The following MYO16 variants were observed in gnomAD, a reference collection of about 807,000 sequenced individuals.
The protein encoded by MYO16 is unconventional myosin-XVI.
Under a neutral mutation model 205.3 loss-of-function variants are expected in MYO16, and 94 were observed. The ratio of observed to expected loss-of-function variants is 0.46; its 90% CI spans 0.39 to 0.54. The LOEUF (loss-of-function observed/expected upper bound fraction) is 0.54, where lower values mean the gene tolerates loss of function less well. Ranked by LOEUF, MYO16 falls within the 20% of genes least tolerant of loss-of-function variation. The probability of loss-of-function intolerance (pLI) is 0.00; values close to 1 mark genes in which losing one functional copy is unlikely to be tolerated. For synonymous variants in MYO16, 988 were observed against 954.0 expected (o/e 1.04, Z -0.66); for missense variants, 2,315 against 2,387.5 (o/e 0.97, Z 0.63).
chr13:108,813,653 T>C (rs964636003), intron 7 of MYO16, among the ~76,000 whole-genome samples: 1 of 152,140 alleles, frequency 6.6e-6, no homozygotes, highest in African/African-American at 2.4e-5. Context: ...ATACACTTTC[T>C]TTGTTAGCCA....
chr13:108,712,309 C>T (rs1883752666), intron 2 of MYO16, among the ~76,000 whole-genome samples: 1 of 152,172 alleles, frequency 6.6e-6, no homozygotes, highest in African/African-American at 2.4e-5. Flanking sequence ...ATTCAGTGAC[C>T]TAATGCCCGT....
intron 28 of MYO16, among the ~76,000 whole-genome samples, chr13:109,116,778 C>G (rs157038): frequency 0.012 from 1,834 of 152,280 alleles, 41 homozygotes; most frequent in African/African-American, 0.041. Context: ...ATGGCTGCAC[C>G]TAGCCATGGG....
rs527243736 is a variant in MYO16 at position 108,636,600 on chromosome 13, G to A, written c.28+6728G>A. ...TCACCATATTGGCCAGGATGGTCTC[G>A]ATCTCTTGACCTCTTGATCTGCCCG... On this transcript the variant is annotated intron_variant, in intron 1 of 34. Transcript: ENST00000457511. Among the ~76,000 whole-genome samples, 27 of 152,080 alleles carry A rather than the reference G, an allele frequency of 1.8e-4. No homozygotes were observed. In the East Asian group the frequency reaches 3.5e-3, roughly 20 times the overall value.
intron 1 of MYO16, among the ~76,000 whole-genome samples, chr13:108,635,962 TAA>T (rs140314336): frequency 0.012 from 1,840 of 152,334 alleles, 36 homozygotes; most frequent in African/African-American, 0.042. Flanking sequence ...TTCTACATCT[TAA>T]TCTAAACTTT....
intron 7 of MYO16, among the ~76,000 whole-genome samples, chr13:108,818,673 T>C (rs2139011076): frequency 6.6e-6 from 1 of 152,222 alleles, no homozygotes; most frequent in East Asian, 1.9e-4. Context: ...ACTGATAGTG[T>C]GCATGCAAAT....
chr13:108,875,981 C>T (rs1414336885), intron 12 of MYO16, among the ~76,000 whole-genome samples: 1 of 150,376 alleles, frequency 6.6e-6, no homozygotes, highest in African/African-American at 2.4e-5. Context: ...ATGAAATTCT[C>T]ATTTACAAAA....
At chr13:108,835,504 G>A (rs1226115822) in intron 9 of MYO16, among the ~76,000 whole-genome samples, 1 of 152,180 alleles carries the variant, frequency 6.6e-6, no homozygotes, top group African/African-American at 2.4e-5. Flanking sequence ...TGGGAGTGGG[G>A]TGCTGCTGTA....
In MYO16 at chr13:108,962,432, A is replaced by T. The variant is rs778671130; in HGVS notation, c.2164A>T (p.Met722Leu). The change falls in exon 19 of 35, where the codon ATG becomes TTG. Residue 722 changes from methionine to leucine, a missense_variant. By Grantham distance (15) the Met-to-Leu change is conservative. Coordinates refer to ENST00000457511, the MANE Select transcript of MYO16 (RefSeq NM_001198950.3). ...DLQLLEQVAG[M>L]LQVSTDELAS... ...TGCTGATTTAATTTTAGTGGCTGGA[A>T]TGTTACAAGTATCAACAGATGAATT... The T allele has an allele frequency of 3.1e-6, 5 of 1,603,432 alleles. No individual in the cohort carries two copies. Among genetic ancestry groups the T allele is most frequent in the Non-Finnish European group, 3.4e-6 (4 of 1,176,754 alleles).
At chr13:108,545,231 C>G in the MYO16 span, among the ~76,000 whole-genome samples, 1 of 152,080 alleles carries the variant, frequency 6.6e-6, no homozygotes, top group Non-Finnish European at 1.5e-5. Flanking sequence ...TGTTTAGCTT[C>G]CATTTATAAG....
At chr13:109,203,385 C>T (rs1880475707) in intron 34 of MYO16, among the ~76,000 whole-genome samples, 3 of 150,938 alleles carry the variant, frequency 2.0e-5, no homozygotes, top group South Asian at 2.1e-4. Flanking sequence ...CTTTCATTTT[C>T]GAGGGGTATT....
chr13:108,832,343 T>C (rs1404059275), intron 9 of MYO16, among the ~76,000 whole-genome samples: 1 of 151,218 alleles, frequency 6.6e-6, no homozygotes, highest in Non-Finnish European at 1.5e-5. Context: ...GGTTTCACCA[T>C]GTTGGCCAGG....
At chr13:108,807,427 T>A (rs1271430915) in intron 7 of MYO16, among the ~76,000 whole-genome samples, 1 of 152,162 alleles carries the variant, frequency 6.6e-6, no homozygotes, top group Non-Finnish European at 1.5e-5. Flanking sequence ...AAGAACATTG[T>A]TTGTTTTGAC....
At chr13:109,190,695 G>A (rs1228158312) in intron 34 of MYO16, among the ~76,000 whole-genome samples, 1 of 152,178 alleles carries the variant, frequency 6.6e-6, no homozygotes, top group Non-Finnish European at 1.5e-5. Context: ...GGAAATTAAA[G>A]TGAAGTCACA....
chr13:109,046,960 C>T lies in MYO16; in HGVS notation c.2841C>T (p.Ser947=). 1 of 1,611,858 alleles carries T rather than the reference C, an allele frequency of 6.2e-7. No homozygotes were observed. Among genetic ancestry groups the T allele is most frequent in the Non-Finnish European group, 8.5e-7 (1 of 1,178,186 alleles). The change falls in exon 24 of 35, where the codon TCC becomes TCT. Residue 947 remains serine, a synonymous_variant. Transcript: ENST00000457511. ...GGGCGATTGAAAAAAATAAAGACTC[C>T]CTTTCACAGAATCTTCTATTTGTAA... is the stretch of plus-strand genomic sequence containing the variant. ...VVGAIEKNKD[S]LSQNLLFVMK... is the part of the protein sequence containing the mutation.
At chr13:109,175,383 A>C (rs1162407119) in intron 33 of MYO16, among the ~76,000 whole-genome samples, 1 of 152,188 alleles carries the variant, frequency 6.6e-6, no homozygotes. Context: ...AGCAGGTTCT[A>C]TGGAGTGTCC....
At chr13:108,676,013 C>T (rs928136879) in intron 2 of MYO16, among the ~76,000 whole-genome samples, 5 of 152,164 alleles carry the variant, frequency 3.3e-5, no homozygotes, top group Non-Finnish European at 7.3e-5. Context: ...TGTATTGCCA[C>T]ATGCATAATA....
intron 28 of MYO16, among the ~76,000 whole-genome samples, chr13:109,115,969 AC>A (rs1436913603): frequency 2.3e-5 from 3 of 129,182 alleles, no homozygotes; most frequent in Admixed American, 1.5e-4. Context: ...TCTCAAAAAA[AC>A]AAACAAACAA....
At position 108,940,434 on chromosome 13, in the gene MYO16, A is replaced by G. The variant is rs200916390; in HGVS notation, c.1926-17254A>G. 1.1e-4 allele frequency among the ~76,000 whole-genome samples: 16 copies of G among 151,820 alleles called. 1 individual carries two copies. The East Asian group carries it at 1.6e-3, about 15-fold the overall frequency. On this transcript the variant is annotated intron_variant, in intron 16 of 34. Transcript: ENST00000457511. ...CAATTGACTTGATCAGAAACTCTCTATGTGCATTCCAATTAGTAATGGAGT... is the reference window on the plus strand; with the variant it reads ...CAATTGACTTGATCAGAAACTCTCTGTGTGCATTCCAATTAGTAATGGAGT...
chr13:108,932,520 A>G (rs1281297833), intron 16 of MYO16, among the ~76,000 whole-genome samples: 5 of 152,204 alleles, frequency 3.3e-5, no homozygotes, highest in Non-Finnish European at 7.3e-5. Context: ...TTAATTCCAT[A>G]AATACATTCA....
Sources: gnomAD v4.1 joint callset for allele counts (sites outside exome capture counted in the v4.1 genomes callset) on GRCh38, gnomAD v4.1.1 for gene constraint, MANE v1.5 for transcripts, NCBI Gene and HGNC (gene_info 2026-07-23, HGNC 2026-07-21) for gene names.